The following FBLN7 variants were observed in gnomAD, a reference collection of about 807,000 sequenced individuals.
FBLN7 encodes fibulin-7.
A neutral mutation model predicts 44.0 loss-of-function variants in FBLN7; 31 were observed. The ratio of observed to expected loss-of-function variants is 0.70; its 90% CI spans 0.53 to 0.95. FBLN7 has a LOEUF of 0.95. Among genes scored for constraint, FBLN7 ranks in the 40% least tolerant of loss-of-function variants. The pLI, the probability that FBLN7 is intolerant of heterozygous loss-of-function variation, is 0.00. For missense variants in FBLN7, 573 were observed against 618.5 expected (o/e 0.93, Z 0.78); for synonymous variants, 262 against 253.4 (o/e 1.03, Z -0.32).
intron 1 of FBLN7, chr2:112,152,875 T>G (rs1326876191): frequency 6.6e-6 from 1 of 152,250 alleles, no homozygotes; most frequent in Non-Finnish European, 1.5e-5. Context: ...TGACAATCCC[T>G]TAAAATCTCT....
At chr2:112,237,408 A>G in the FBLN7 span, among the ~76,000 whole-genome samples, 1 of 152,162 alleles carries the variant, frequency 6.6e-6, no homozygotes, top group African/African-American at 2.4e-5. Context: ...CACTGAAAAC[A>G]TTTTAAATAG....
chr2:112,161,669 G>T (rs1290761701), intron 2 of FBLN7, among the ~76,000 whole-genome samples: 1 of 151,054 alleles, frequency 6.6e-6, no homozygotes, highest in Non-Finnish European at 1.5e-5. Context: ...CCATGTGAGA[G>T]GGCCCTGCCC....
chr2:112,149,276 A>G (rs1330220287), intron 1 of FBLN7, among the ~76,000 whole-genome samples: 2 of 152,100 alleles, frequency 1.3e-5, no homozygotes, highest in African/African-American at 2.4e-5. Flanking sequence ...GGCCTGATCC[A>G]CACCATGGCC....
the FBLN7 span, among the ~76,000 whole-genome samples, chr2:112,228,159 T>G: frequency 1.3e-5 from 2 of 152,218 alleles, no homozygotes; most frequent in African/African-American, 4.8e-5. Context: ...CAGCTGATTT[T>G]TGACAAAGGC....
chr2:112,150,354 C>T (rs540317954), intron 1 of FBLN7, among the ~76,000 whole-genome samples: 26 of 151,712 alleles, frequency 1.7e-4, no homozygotes, highest in Non-Finnish European at 2.9e-4. Flanking sequence ...CACTGAGCTC[C>T]AAGACAGGGG....
At chr2:112,198,633 C>CAAAAA in the FBLN7 span, among the ~76,000 whole-genome samples, 50 of 98,316 alleles carry the variant, frequency 5.1e-4, no homozygotes, top group African/African-American at 2.2e-3. Flanking sequence ...GAGATTGTCT[C>CAAAAA]AAAAAAAAAG....
intron 2 of FBLN7, among the ~76,000 whole-genome samples, chr2:112,160,726 ACGCACGCACACGCACACACG>A (rs1255668941): frequency 7.5e-6 from 1 of 132,664 alleles, no homozygotes; most frequent in African/African-American, 3.0e-5. Context: ...GCACGCGCAC[ACGCACGCACACGCACACACG>A]CGCACGCACA....
At position 112,155,486 on chromosome 2, in the gene FBLN7, G is replaced by A. The variant is rs189621632; in HGVS notation, c.76-4190G>A. Among the ~76,000 whole-genome samples the A allele has an allele frequency of 6.6e-5, 10 of 152,332 alleles. 1 individual carries two copies. In the East Asian group the frequency reaches 1.7e-3, roughly 26 times the overall value. On this transcript the variant is annotated intron_variant, in intron 1 of 7. Coordinates refer to ENST00000331203, the MANE Select transcript of FBLN7 (RefSeq NM_153214.3). ...GCAGCAAGATGCTTCCTTGTACCAC[G>A]CTCTGTTTCATCAGCCTCACCCCAG...
At chr2:112,199,909 G>A in the FBLN7 span, among the ~76,000 whole-genome samples, 34 of 152,266 alleles carry the variant, frequency 2.2e-4, no homozygotes, top group East Asian at 7.7e-4. Context: ...GCCCTTCACC[G>A]TGGTATGATG....
At chr2:112,177,994 C>G (rs556520377) in intron 4 of FBLN7, 2 of 138,832 alleles carry the variant, frequency 1.4e-5, no homozygotes, top group Non-Finnish European at 3.1e-5. Flanking sequence ...AAAACCCTGT[C>G]TCTACTAACA....
At chr2:112,240,952 AGTGTGTGTGTGTGTGTGT>A in the FBLN7 span, among the ~76,000 whole-genome samples, 15 of 142,714 alleles carry the variant, frequency 1.1e-4, no homozygotes, top group African/African-American at 2.6e-4. Context: ...TACAGGTAAC[AGTGTGTGTGTGTGTGTGT>A]GTGTGTGTGT....
At chr2:112,233,121 T>G in the FBLN7 span, 13 of 552,504 alleles carry the variant, frequency 2.4e-5, 1 homozygote, top group Non-Finnish European at 3.5e-5. Context: ...CACGTACAAT[T>G]TAATCACTTT....
intron 3 of FBLN7, among the ~76,000 whole-genome samples, chr2:112,171,359 C>G (rs146547975): frequency 6.6e-6 from 1 of 151,754 alleles, no homozygotes; most frequent in Non-Finnish European, 1.5e-5. Flanking sequence ...CAGGAGGGGC[C>G]GGGAGAGGCA....
At chr2:112,166,823 T>A (rs1682185812) in intron 3 of FBLN7, among the ~76,000 whole-genome samples, 1 of 152,224 alleles carries the variant, frequency 6.6e-6, no homozygotes, top group African/African-American at 2.4e-5. Flanking sequence ...CATTGCCACG[T>A]GCAGTCTGCT....
rs148395500 is a variant in FBLN7, at chr2:112,185,322, C to T, written c.930C>T (p.Tyr310=). 78 of 1,613,594 alleles carry T rather than the reference C, an allele frequency of 4.8e-5. No individual in the cohort carries two copies. The highest frequency in any genetic ancestry group is 1.6e-4 in the South Asian group (15 of 91,076). Residue 310 remains tyrosine (Y), a synonymous_variant, in exon 7 of 8, where the codon TAC becomes TAT. Transcript: ENST00000331203. ...CCGAGGGCAGCGGCAATGTGAGCTA[C>T]GTGAAGACGTCTCCATTGTGAGTAT... ...ECPEGSGNVS[Y]VKTSPFQCER...
intron 2 of FBLN7, 147 bp downstream of exon 2, chr2:112,159,982 ATTATTTAT>A (rs979515176): frequency 1.5e-5 from 8 of 546,434 alleles, no homozygotes; most frequent in African/African-American, 2.1e-5. Context: ...TTTTTTATTT[ATTATTTAT>A]TTATTTATTT....
the FBLN7 span, among the ~76,000 whole-genome samples, chr2:112,221,377 C>A: frequency 6.6e-6 from 1 of 152,146 alleles, no homozygotes; most frequent in Non-Finnish European, 1.5e-5. Context: ...GGCCATGCGA[C>A]ATGCTGGCTC....
chr2:112,153,724 G>A (rs1335013155), intron 1 of FBLN7, among the ~76,000 whole-genome samples: 1 of 152,216 alleles, frequency 6.6e-6, no homozygotes, highest in Non-Finnish European at 1.5e-5. Flanking sequence ...GGTAGGGTCT[G>A]GGGGTACGAA....
chr2:112,189,548 C>T (rs992489025), downstream of FBLN7: 2 of 152,254 alleles, frequency 1.3e-5, no homozygotes, highest in African/African-American at 4.8e-5. Flanking sequence ...CAGAGCTCCA[C>T]TCTGTACTAA....
Sources: allele counts gnomAD v4.1 joint callset (sites outside exome capture counted in the v4.1 genomes callset), GRCh38; gene constraint gnomAD v4.1.1; transcripts MANE v1.5; gene names NCBI Gene and HGNC (gene_info 2026-07-23, HGNC 2026-07-21).